SLC14A2: variants seen among roughly 807,000 people sequenced by gnomAD.
SLC14A2 encodes the protein solute carrier family 14 member 2.
In SLC14A2, 91 loss-of-function variants were observed where a neutral mutation model predicts 104.6. That is an observed-to-expected ratio of 0.87 (90% confidence interval 0.73 to 1.04). SLC14A2 has a LOEUF of 1.04. Among genes scored for constraint, SLC14A2 ranks in the 50% least tolerant of loss-of-function variants. The pLI, the probability that SLC14A2 is intolerant of heterozygous loss-of-function variation, is 0.00. For missense variants in SLC14A2, 1,189 were observed against 1,156.0 expected (o/e 1.03, Z -0.41); for synonymous variants, 476 against 466.4 (o/e 1.02, Z -0.27).
At position 45,668,288 on chromosome 18, in the gene SLC14A2, A is replaced by C. The variant is rs7244233; in HGVS notation, c.1908-61A>C. On this transcript the variant is annotated intron_variant, in intron 14 of 19. Transcript: ENST00000255226. ...CCAGATAAAAAGAATCTGACTCAAT[A>C]GGAAAATGTAAAGGGCCCTGGGGAA... 2.2e-3 allele frequency: 3,439 copies of C among 1,593,874 alleles called. 43 individuals carry two copies. The African/African-American group carries it at 0.037, about 17-fold the overall frequency.
intron 1 of SLC14A2, among the ~76,000 whole-genome samples, chr18:45,250,037 G>A (rs1006980177): frequency 4.6e-5 from 7 of 152,098 alleles, no homozygotes; most frequent in Non-Finnish European, 8.8e-5. Context: ...AGAAAAGATG[G>A]ACCCTCACTA....
At chr18:45,398,627 T>C (rs1021934240) in intron 1 of SLC14A2, among the ~76,000 whole-genome samples, 1 of 152,116 alleles carries the variant, frequency 6.6e-6, no homozygotes, top group Non-Finnish European at 1.5e-5. Flanking sequence ...CAATAAGGAA[T>C]GAAACTCTGA....
intron 2 of SLC14A2, among the ~76,000 whole-genome samples, chr18:45,587,991 A>AG (rs145257456): frequency 0.086 from 13,152 of 152,190 alleles, 771 homozygotes; most frequent in Non-Finnish European, 0.13. Flanking sequence ...CATATGTTGC[A>AG]GGGGGGCGCT....
chr18:45,503,701 A>G (rs12454126), intron 2 of SLC14A2, among the ~76,000 whole-genome samples: 13,475 of 152,240 alleles, frequency 0.089, 825 homozygotes, highest in Admixed American at 0.17. Context: ...TATTGATAGT[A>G]GAGAGACTGG....
At chr18:45,265,446 G>A (rs957026656) in intron 1 of SLC14A2, among the ~76,000 whole-genome samples, 4 of 152,110 alleles carry the variant, frequency 2.6e-5, no homozygotes, top group Non-Finnish European at 4.4e-5. Flanking sequence ...GGTCCTCTAA[G>A]GTCCTTTTGA....
At chr18:45,412,092 G>C (rs774555289) in intron 1 of SLC14A2, among the ~76,000 whole-genome samples, 1 of 152,176 alleles carries the variant, frequency 6.6e-6, no homozygotes, top group Non-Finnish European at 1.5e-5. Context: ...CAAGTATTTT[G>C]TTGTTGTTAG....
chr18:45,443,240 T>C (rs138091414), intron 1 of SLC14A2, among the ~76,000 whole-genome samples: 1,878 of 152,270 alleles, frequency 0.012, 29 homozygotes, highest in South Asian at 0.075. Context: ...TATAAATGTG[T>C]GTGATCATAG....
intron 1 of SLC14A2, among the ~76,000 whole-genome samples, chr18:45,301,982 C>T (rs200503940): frequency 2.6e-5 from 4 of 152,182 alleles, no homozygotes; most frequent in Non-Finnish European, 4.4e-5. Flanking sequence ...ACTTTCTCTA[C>T]AATGCCAGCC....
intron 1 of SLC14A2, among the ~76,000 whole-genome samples, chr18:45,287,737 C>T (rs1016892730): frequency 1.3e-5 from 2 of 152,192 alleles, no homozygotes; most frequent in Admixed American, 1.3e-4. Flanking sequence ...GATCGCTGCC[C>T]GGGCTTCCTG....
At chr18:45,282,654 T>C (rs1298495991) in intron 1 of SLC14A2, among the ~76,000 whole-genome samples, 1 of 152,128 alleles carries the variant, frequency 6.6e-6, no homozygotes, top group African/African-American at 2.4e-5. Context: ...GACACCACCC[T>C]CGCTGTGTGA....
chr18:45,634,308 G>A (rs2045386306), intron 5 of SLC14A2, among the ~76,000 whole-genome samples: 1 of 152,206 alleles, frequency 6.6e-6, no homozygotes, highest in Non-Finnish European at 1.5e-5. Context: ...TTGTAAACAA[G>A]GAAAAGTCTC....
At chr18:45,427,537 G>A (rs1238593989) in intron 1 of SLC14A2, among the ~76,000 whole-genome samples, 1 of 152,188 alleles carries the variant, frequency 6.6e-6, no homozygotes, top group African/African-American at 2.4e-5. Flanking sequence ...TGTGTGCACA[G>A]AGGTGTCAAA....
the SLC14A2 span, among the ~76,000 whole-genome samples, chr18:45,177,332 A>G: frequency 5.3e-5 from 8 of 152,286 alleles, no homozygotes; most frequent in African/African-American, 1.7e-4. Context: ...CAATTCTAGC[A>G]TATCAATCAC....
intron 1 of SLC14A2, among the ~76,000 whole-genome samples, chr18:45,467,572 G>C (rs2087167740): frequency 6.6e-6 from 1 of 152,158 alleles, no homozygotes. Flanking sequence ...TCTGTACTCA[G>C]GCTGGGTTAC....
At chr18:45,343,960 G>A (rs1915435992) in intron 1 of SLC14A2, among the ~76,000 whole-genome samples, 1 of 152,196 alleles carries the variant, frequency 6.6e-6, no homozygotes, top group African/African-American at 2.4e-5. Flanking sequence ...AGGGGAAGTA[G>A]GGAAACTGTA....
At chr18:45,576,660 C>A (rs1014376922) in intron 2 of SLC14A2, among the ~76,000 whole-genome samples, 3 of 152,076 alleles carry the variant, frequency 2.0e-5, no homozygotes, top group Non-Finnish European at 4.4e-5. Context: ...CCTCTCCCTC[C>A]CTGTCTCTGT....
intron 2 of SLC14A2, among the ~76,000 whole-genome samples, chr18:45,526,147 G>T (rs2043591758): frequency 6.6e-6 from 1 of 152,230 alleles, no homozygotes; most frequent in South Asian, 2.1e-4. Context: ...TCTGGGTTAT[G>T]CAGGGAAAGT....
intron 2 of SLC14A2, among the ~76,000 whole-genome samples, chr18:45,606,759 C>CA (rs535052877): frequency 0.011 from 159 of 14,162 alleles, 1 homozygote; most frequent in South Asian, 0.019. Flanking sequence ...AAAACAAAAA[C>CA]AAAAAAAAAA....
At chr18:45,502,881 A>G (rs1225006081) in intron 2 of SLC14A2, among the ~76,000 whole-genome samples, 1 of 151,862 alleles carries the variant, frequency 6.6e-6, no homozygotes, top group African/African-American at 2.4e-5. Flanking sequence ...CAAGATTCTG[A>G]TAAGGACCTA....
Sources: gnomAD v4.1 joint callset for allele counts (sites outside exome capture counted in the v4.1 genomes callset) on GRCh38, gnomAD v4.1.1 for gene constraint, MANE v1.5 for transcripts, NCBI Gene and HGNC (gene_info 2026-07-23, HGNC 2026-07-21) for gene names.